SRGAP3: variants seen among roughly 807,000 people sequenced by gnomAD.
The protein encoded by SRGAP3 is SLIT-ROBO Rho GTPase-activating protein 3.
Under a neutral mutation model 121.1 loss-of-function variants are expected in SRGAP3, and 39 were observed. That is an observed-to-expected ratio of 0.32 (90% CI 0.25 to 0.42). The LOEUF is 0.42. Among genes scored for constraint, SRGAP3 ranks in the 10% least tolerant of loss-of-function variants. SRGAP3 has a pLI of 1.00. For missense variants in SRGAP3, 1,213 were observed against 1,470.6 expected (o/e 0.82, Z 2.86); for synonymous variants, 601 against 570.0 (o/e 1.05, Z -0.77).
At chr3:9,102,789 G>C (rs1255599737) in intron 3 of SRGAP3, among the ~76,000 whole-genome samples, 1 of 152,168 alleles carries the variant, frequency 6.6e-6, no homozygotes, top group Non-Finnish European at 1.5e-5. Flanking sequence ...GCTGCTGTCA[G>C]CCTAAATGAG....
intron 11 of SRGAP3, chr3:9,036,517 A>C (rs2670009): frequency 0.2 from 30,743 of 152,192 alleles, 3,422 homozygotes; most frequent in South Asian, 0.34. Context: ...GCCCTAGGTC[A>C]AGGAGGGTGT....
intron 3 of SRGAP3, among the ~76,000 whole-genome samples, chr3:9,088,206 C>T (rs1270887833): frequency 6.6e-6 from 1 of 152,126 alleles, no homozygotes; most frequent in Non-Finnish European, 1.5e-5. Flanking sequence ...TACTTTCATG[C>T]CTGCAGGGGT....
intron 1 of SRGAP3, among the ~76,000 whole-genome samples, chr3:9,361,429 C>T (rs963819329): frequency 6.6e-6 from 1 of 152,070 alleles, no homozygotes; most frequent in African/African-American, 2.4e-5. Context: ...AAATTGTGTT[C>T]TTTTTGGTTT....
chr3:9,096,937 G>GTATATATATATATATATATATATA (rs58305278), intron 3 of SRGAP3, among the ~76,000 whole-genome samples: 1 of 61,300 alleles, frequency 1.6e-5, no homozygotes, highest in Non-Finnish European at 3.4e-5. Flanking sequence ...ACATTATTTT[G>GTATATATATATATATATATATATA]TATATATATA....
chr3:9,096,014 G>A (rs1220361726), intron 3 of SRGAP3, among the ~76,000 whole-genome samples: 5 of 152,146 alleles, frequency 3.3e-5, no homozygotes, highest in Non-Finnish European at 5.9e-5. Flanking sequence ...CGAGGCTGCA[G>A]TGAGCTATGA....
intron 19 of SRGAP3, chr3:8,993,934 T>G (rs1942231393): frequency 4.4e-6 from 1 of 226,410 alleles, no homozygotes; most frequent in Non-Finnish European, 8.9e-6. Flanking sequence ...TAGTACCCTA[T>G]TAATCAGAAA....
At chr3:9,007,832 C>T (rs973009837) in intron 18 of SRGAP3, 3 of 152,188 alleles carry the variant, frequency 2.0e-5, no homozygotes, top group South Asian at 2.1e-4. Context: ...TCTCTTTTTT[C>T]TGAGCACAGT....
intron 7 of SRGAP3, 141 bp from the exon 8 acceptor site, chr3:9,056,475 A>G (rs1167404925): frequency 5.8e-6 from 5 of 860,824 alleles, no homozygotes; most frequent in Non-Finnish European, 5.5e-6. Flanking sequence ...GCTCAAGGTC[A>G]CAGAGCTCAT....
intron 9 of SRGAP3, chr3:9,049,333 C>G: frequency 2.2e-6 from 1 of 453,062 alleles, no homozygotes; most frequent in South Asian, 1.6e-5. Flanking sequence ...TGGTCCTAGG[C>G]TCCCAGGACC....
intron 1 of SRGAP3, among the ~76,000 whole-genome samples, chr3:9,240,487 T>C (rs971332288): frequency 5.3e-5 from 8 of 152,134 alleles, no homozygotes; most frequent in Non-Finnish European, 1.0e-4. Context: ...TAGACACCCT[T>C]GCCTCATCTT....
At position 9,104,713 on chromosome 3, in the gene SRGAP3, C is replaced by G; in HGVS notation, c.390G>C (p.Gln130His). Residue 130 changes from glutamine to histidine, a missense_variant, in exon 3 of 22, where the codon CAG becomes CAC. Transcript: ENST00000383836. Reference protein sequence around the residue: ...FMNNVIVRLSQISEDVIRLFK... With the variant: ...FMNNVIVRLSHISEDVIRLFK... ...AGAGTCTGATGACATCCTCACTGAT[C>G]TGGGAGAGGCGGACGATGACATTGT... 6.2e-7 allele frequency: 1 copy of G among 1,614,216 alleles called. No homozygotes were observed. Among genetic ancestry groups the G allele is most frequent in the Non-Finnish European group, 8.5e-7 (1 of 1,180,036 alleles).
intron 1 of SRGAP3, among the ~76,000 whole-genome samples, chr3:9,224,613 G>C (rs1191151879): frequency 6.6e-6 from 1 of 152,194 alleles, no homozygotes; most frequent in Non-Finnish European, 1.5e-5. Flanking sequence ...TCCTTAAACA[G>C]AGAGATAAGG....
intron 1 of SRGAP3, among the ~76,000 whole-genome samples, chr3:9,131,819 G>A (rs1362100771): frequency 6.6e-6 from 1 of 151,958 alleles, no homozygotes; most frequent in Non-Finnish European, 1.5e-5. Context: ...ATTCTCCATG[G>A]TTCCCCATTG....
At chr3:9,289,909 A>C (rs1310974500) in intron 3 of SRGAP3, among the ~76,000 whole-genome samples, 1 of 152,144 alleles carries the variant, frequency 6.6e-6, no homozygotes, top group Non-Finnish European at 1.5e-5. Flanking sequence ...GGAGTTTGAG[A>C]CCAGCCTGGC....
At chr3:8,991,956 G>T (rs963426241) in intron 20 of SRGAP3, among the ~76,000 whole-genome samples, 1 of 152,176 alleles carries the variant, frequency 6.6e-6, no homozygotes, top group African/African-American at 2.4e-5. Flanking sequence ...CAGAAGATAT[G>T]GTCCTCCTAG....
At chr3:9,341,177 G>C (rs1024920801) in intron 1 of SRGAP3, among the ~76,000 whole-genome samples, 3 of 152,160 alleles carry the variant, frequency 2.0e-5, no homozygotes, top group African/African-American at 7.2e-5. Flanking sequence ...TCCAGATAGA[G>C]TCACATAGCA....
chr3:9,013,799 G>A lies in SRGAP3; in HGVS notation c.1857C>T (p.Ile619=). 1 of 1,614,192 alleles carries A rather than the reference G, an allele frequency of 6.2e-7. No homozygotes were observed. Among genetic ancestry groups the A allele is most frequent in the Non-Finnish European group, 8.5e-7 (1 of 1,180,024 alleles). Reference sequence around the variant, plus strand: ...TGACCACGCGGGGAAGGGTGACGAGGATTTGTTGGATCTGGTGCACCCTCT... The same window carrying A: ...TGACCACGCGGGGAAGGGTGACGAGAATTTGTTGGATCTGGTGCACCCTCT... ...PAERVHQIQQ[I]LVTLPRVVIV... is the part of the protein sequence containing the mutation. The change falls in exon 16 of 22, where the codon ATC becomes ATT. Residue 619 remains isoleucine (I), a synonymous_variant. Transcript: ENST00000383836.
chr3:9,332,068 C>T lies in SRGAP3; in HGVS notation n.215-1472G>A, dbSNP rs576057479. 5.9e-5 allele frequency among the ~76,000 whole-genome samples: 9 copies of T among 152,214 alleles called. No individual in the cohort carries two copies. In the East Asian group the frequency reaches 1.2e-3, roughly 20 times the overall value. On this transcript the variant is annotated intron_variant and non_coding_transcript_variant, in intron 1 of 3. Coordinates refer to the SRGAP3 transcript ENST00000490889. ...AGGTGCCTATGCTGGGCCAATGCTA[C>T]GAAGAAATATTAAAGTTATTCAATG...
In SRGAP3 at chr3:9,052,879, C is replaced by T. The variant is rs1174709207; in HGVS notation, c.1323+148G>A. On this transcript the variant is annotated intron_variant, in intron 9 of 21. Transcript: ENST00000383836. ...CTGCATTTCAGAAAACCAAGCCAGG[C>T]AACTTAATTTTAAAAGCATGGTGAT... The T allele has an allele frequency of 6.3e-6, 6 of 948,026 alleles. No homozygotes were observed. In the East Asian group the frequency reaches 1.3e-4, roughly 21 times the overall value. 58.7% of individuals were successfully genotyped at this position (948,026 alleles called of 1,614,324 possible). A position where few individuals can be genotyped will look rare whatever the true frequency, so the allele number is the denominator to read the frequency against.
Sources: gnomAD v4.1 joint callset for allele counts (sites outside exome capture counted in the v4.1 genomes callset) on GRCh38, gnomAD v4.1.1 for gene constraint, MANE v1.5 for transcripts, NCBI Gene and HGNC (gene_info 2026-07-23, HGNC 2026-07-21) for gene names.